Variants in PRKG1 observed in about 807,000 individuals in gnomAD.
PRKG1 encodes the protein cGMP-dependent protein kinase 1.
A neutral mutation model predicts 88.1 loss-of-function variants in PRKG1; 35 were observed. That is an observed-to-expected ratio of 0.40 (90% confidence interval 0.30 to 0.53). The LOEUF (loss-of-function observed/expected upper bound fraction) is 0.53. Ranked by LOEUF, PRKG1 falls within the 20% of genes least tolerant of loss-of-function variation. PRKG1 has a pLI of 0.59. For synonymous variants in PRKG1, 303 were observed against 292.5 expected (o/e 1.04, Z -0.37); for missense variants, 540 against 839.8 (o/e 0.64, Z 4.41).
At chr10:51,164,568 G>T (rs1846475103) in intron 2 of PRKG1, among the ~76,000 whole-genome samples, 1 of 152,196 alleles carries the variant, frequency 6.6e-6, no homozygotes, top group African/African-American at 2.4e-5. Flanking sequence ...CACGAGTTGA[G>T]AGAAGAAGGC....
chr10:51,472,484 T>C (rs1840073204), intron 3 of PRKG1, among the ~76,000 whole-genome samples: 1 of 151,944 alleles, frequency 6.6e-6, no homozygotes, highest in African/African-American at 2.4e-5. Flanking sequence ...CACACTATGC[T>C]TTTTATTGGT....
intron 3 of PRKG1, among the ~76,000 whole-genome samples, chr10:51,757,753 T>C (rs1837907699): frequency 1.3e-5 from 2 of 152,232 alleles, no homozygotes; most frequent in African/African-American, 2.4e-5. Flanking sequence ...TATTTTAAAA[T>C]GATATGTTCT....
intron 5 of PRKG1, among the ~76,000 whole-genome samples, chr10:51,967,531 C>G (rs1266477144): frequency 6.6e-6 from 1 of 151,570 alleles, no homozygotes; most frequent in Non-Finnish European, 1.5e-5. Context: ...GCATGTTGTG[C>G]ACATGTACCC....
chr10:51,212,026 G>A (rs1302003139), intron 2 of PRKG1, among the ~76,000 whole-genome samples: 5 of 152,086 alleles, frequency 3.3e-5, no homozygotes, highest in Non-Finnish European at 1.5e-5. Context: ...TAAGCCAAAA[G>A]AACAAAGCTG....
chr10:52,206,342 G>T (rs1159856660), intron 9 of PRKG1, among the ~76,000 whole-genome samples: 3 of 152,044 alleles, frequency 2.0e-5, no homozygotes, highest in African/African-American at 7.2e-5. Flanking sequence ...TCCTTGGATT[G>T]GGTTTTGTCT....
chr10:51,635,609 C>T (rs921349525), intron 3 of PRKG1, among the ~76,000 whole-genome samples: 3 of 152,058 alleles, frequency 2.0e-5, no homozygotes, highest in Non-Finnish European at 4.4e-5. Flanking sequence ...TTAAATAAAA[C>T]ATGTCCTAGA....
At chr10:51,890,120 T>A (rs1187106645) in intron 4 of PRKG1, among the ~76,000 whole-genome samples, 2 of 152,232 alleles carry the variant, frequency 1.3e-5, no homozygotes, top group Non-Finnish European at 2.9e-5. Context: ...GTATTAGACA[T>A]GAAGTCCTTG....
intron 10 of PRKG1, among the ~76,000 whole-genome samples, chr10:52,263,799 G>A (rs542442874): frequency 6.6e-6 from 1 of 151,980 alleles, no homozygotes; most frequent in East Asian, 1.9e-4. Flanking sequence ...TCCAACTTGT[G>A]AGCTCAAGTG....
chr10:51,940,217 T>G (rs1222419034), intron 5 of PRKG1, among the ~76,000 whole-genome samples: 1 of 151,882 alleles, frequency 6.6e-6, no homozygotes, highest in African/African-American at 2.4e-5. Context: ...CTTTTTTCCT[T>G]TTAAACATTT....
chr10:52,260,404 G>A (rs1841406418), intron 10 of PRKG1, among the ~76,000 whole-genome samples: 1 of 152,028 alleles, frequency 6.6e-6, no homozygotes, highest in African/African-American at 2.4e-5. Context: ...CCTTTCATGA[G>A]TTAATTGGGC....
In PRKG1 at chr10:52,062,592, T is replaced by C; in HGVS notation, c.896T>C (p.Leu299Ser). ...GAAGACCCAGTCTTTCTTAGAACTT[T>C]AGGAAAAGGAGACTGGTTTGGAGAG... ...PSEDPVFLRT[L>S]GKGDWFGEKA... Residue 299 changes from leucine to serine, a missense_variant, in exon 7 of 18, where the codon TTA becomes TCA. This residue lies in a region of PRKG1 where 400 missense variants were observed against 562.7 expected (regional missense o/e 0.71). Coordinates refer to ENST00000373980, the MANE Select transcript of PRKG1 (RefSeq NM_006258.4). The C allele has an allele frequency of 6.2e-7, 1 of 1,609,572 alleles. No individual in the cohort carries two copies. Among genetic ancestry groups the C allele is most frequent in the Admixed American group, 1.7e-5 (1 of 59,066 alleles).
intron 3 of PRKG1, among the ~76,000 whole-genome samples, chr10:51,711,329 C>G (rs1841745010): frequency 6.6e-6 from 1 of 151,752 alleles, no homozygotes; most frequent in African/African-American, 2.4e-5. Context: ...TGGTCTCGAT[C>G]TCATGACCTC....
intron 9 of PRKG1, among the ~76,000 whole-genome samples, chr10:52,232,175 C>T (rs1051771136): frequency 9.9e-5 from 15 of 151,988 alleles, no homozygotes; most frequent in South Asian, 4.2e-4. Context: ...TGATGGTGGG[C>T]GCCTGTAGTC....
chr10:51,122,009 T>C (rs1425109762), intron 1 of PRKG1, among the ~76,000 whole-genome samples: 2 of 152,216 alleles, frequency 1.3e-5, no homozygotes, highest in Admixed American at 1.3e-4. Flanking sequence ...GCTTCTTGTA[T>C]TGTACGTACA....
At chr10:51,463,910 T>G (rs1015477808) in intron 2 of PRKG1, among the ~76,000 whole-genome samples, 1 of 152,120 alleles carries the variant, frequency 6.6e-6, no homozygotes, top group African/African-American at 2.4e-5. Flanking sequence ...AAATTATGAC[T>G]CCAGGTAACA....
At chr10:51,260,954 T>C (rs1007872959) in intron 2 of PRKG1, among the ~76,000 whole-genome samples, 8 of 152,344 alleles carry the variant, frequency 5.3e-5, no homozygotes, top group African/African-American at 1.9e-4. Flanking sequence ...CTGTTCTTTC[T>C]TTAAAACTGC....
intron 3 of PRKG1, among the ~76,000 whole-genome samples, chr10:51,731,985 T>G: frequency 6.6e-6 from 1 of 151,670 alleles, no homozygotes; most frequent in African/African-American, 2.4e-5. Flanking sequence ...TGTGTCCAAA[T>G]TCCCTCCCTC....
At chr10:52,055,360 A>G (rs1431398697) in intron 6 of PRKG1, among the ~76,000 whole-genome samples, 3 of 152,226 alleles carry the variant, frequency 2.0e-5, no homozygotes, top group African/African-American at 7.2e-5. Flanking sequence ...TCATAAAGAA[A>G]TATTGATAGT....
chr10:51,991,715 A>C (rs898741846), intron 5 of PRKG1, among the ~76,000 whole-genome samples: 6 of 152,090 alleles, frequency 3.9e-5, no homozygotes, highest in Non-Finnish European at 7.4e-5. Context: ...TGAACTCATC[A>C]TTTTTTATGG....
Sources: gnomAD v4.1 joint callset for allele counts (sites outside exome capture counted in the v4.1 genomes callset) on GRCh38, gnomAD v4.1.1 for gene constraint, gnomAD v4.1.1 regional missense constraint, MANE v1.5 for transcripts, NCBI Gene and HGNC (gene_info 2026-07-23, HGNC 2026-07-21) for gene names.